Variants in EMC3 observed in about 807,000 individuals in gnomAD.
EMC3 encodes the protein 30 kDa protein.
A neutral mutation model predicts 36.6 loss-of-function variants in EMC3; 13 were observed. The observed-to-expected ratio is 0.35, with a 90% CI of 0.23 to 0.56. The LOEUF (loss-of-function observed/expected upper bound fraction) is 0.56. EMC3 is among the 20% of genes least tolerant of loss of function. The pLI is 0.84. For synonymous variants in EMC3, 120 were observed against 111.9 expected (o/e 1.07, Z -0.46); for missense variants, 220 against 324.5 (o/e 0.68, Z 2.47).
At chr3:9,992,113 A>C (rs571470993) in intron 1 of EMC3, among the ~76,000 whole-genome samples, 2 of 150,804 alleles carry the variant, frequency 1.3e-5, no homozygotes, top group Non-Finnish European at 3.0e-5. Context: ...TTTTTTTTTT[A>C]AATTTTGTAA....
At chr3:9,988,020 T>A (rs774941567), upstream of EMC3, 15 of 800,614 alleles carry the variant, frequency 1.9e-5, no homozygotes, top group African/African-American at 6.8e-5. Context: ...AAAGAGCTCA[T>A]GGATAATTGC....
At chr3:9,988,852 T>C, upstream of EMC3, 3 of 767,840 alleles carry the variant, frequency 3.9e-6, no homozygotes, top group Admixed American at 2.1e-5. Flanking sequence ...CCAGTCACTC[T>C]TCTCTCTCTT....
upstream of EMC3, among the ~76,000 whole-genome samples, chr3:9,990,440 T>TC (rs1559355895): frequency 2.1e-5 from 3 of 146,000 alleles, no homozygotes; most frequent in Admixed American, 1.4e-4. Context: ...GTTCAAGCGA[T>TC]CCCCCCACCT....
At chr3:10,010,227 T>A (rs1265180734) in intron 1 of EMC3, 1 of 152,222 alleles carries the variant, frequency 6.6e-6, no homozygotes, top group African/African-American at 2.4e-5. Flanking sequence ...GGTCAGGAGA[T>A]CGAGACCATC....
intron 1 of EMC3, among the ~76,000 whole-genome samples, chr3:9,998,257 T>C (rs1457614910): frequency 6.6e-6 from 1 of 151,312 alleles, no homozygotes; most frequent in African/African-American, 2.4e-5. Context: ...TACCAGCTAC[T>C]TGGGAGGCTG....
At chr3:9,985,323 C>A (rs1288313675) in intron 1 of EMC3, among the ~76,000 whole-genome samples, 3 of 152,186 alleles carry the variant, frequency 2.0e-5, no homozygotes, top group Non-Finnish European at 4.4e-5. Flanking sequence ...TAGCCTGAGG[C>A]TTACTCTCTT....
intron 3 of EMC3, among the ~76,000 whole-genome samples, chr3:9,975,841 T>C (rs953577602): frequency 3.3e-5 from 5 of 150,526 alleles, no homozygotes; most frequent in Non-Finnish European, 5.9e-5. Flanking sequence ...AAAAAAGATA[T>C]CTTGTTTTAA....
rs2085700018 is a variant in EMC3 at position 9,962,713 on chromosome 3, G to C, written c.*1356C>G. 1 of 152,568 alleles carries C rather than the reference G, an allele frequency of 6.6e-6. No homozygotes were observed. Among genetic ancestry groups the C allele is most frequent in the African/African-American group, 2.4e-5 (1 of 41,406 alleles). The allele number at this position is 152,568 out of a possible 1,614,324, so 9.5% of individuals were successfully genotyped here. A position where few individuals can be genotyped will look rare whatever the true frequency, so the allele number is the denominator to read the frequency against. On this transcript the variant is annotated 3_prime_UTR_variant, in exon 8 of 8. Transcript: ENST00000245046. ...AAAACAGGACGGTTTAATTTGTGGA[G>C]TCGAGTCGTTTGTTCTTAATTACTG...
chr3:9,979,809 C>T (rs902960934), intron 1 of EMC3, among the ~76,000 whole-genome samples: 5 of 152,264 alleles, frequency 3.3e-5, no homozygotes, highest in African/African-American at 1.2e-4. Context: ...TTAAGCTGGA[C>T]TCTTCAGGAT....
At chr3:9,998,436 T>A (rs192478939) in intron 1 of EMC3, among the ~76,000 whole-genome samples, 19 of 141,728 alleles carry the variant, frequency 1.3e-4, no homozygotes, top group African/African-American at 5.0e-4. Flanking sequence ...AATAATTTAA[T>A]TTTTTTTTTT....
At chr3:9,973,475 T>C in intron 5 of EMC3, 153 bp downstream of exon 5, 1 of 648,074 alleles carries the variant, frequency 1.5e-6, no homozygotes. Context: ...ATTACAGTCG[T>C]GAGCCACTGC....
chr3:10,000,292 G>A (rs1366776840), intron 1 of EMC3, among the ~76,000 whole-genome samples: 3 of 151,980 alleles, frequency 2.0e-5, no homozygotes, highest in South Asian at 2.1e-4. Context: ...CACCCGCCTC[G>A]GCCTCCCAAA....
At chr3:10,002,849 C>T in intron 1 of EMC3, 1 of 456,666 alleles carries the variant, frequency 2.2e-6, no homozygotes, top group Non-Finnish European at 4.4e-6. Context: ...AGTGCAGACC[C>T]AGAAACCTCC....
intron 1 of EMC3, chr3:9,981,699 T>G (rs1176516318): frequency 9.6e-6 from 4 of 414,768 alleles, no homozygotes; most frequent in African/African-American, 8.6e-5. Flanking sequence ...CCCCCCAAAG[T>G]GCTGGGATTA....
At chr3:10,001,735 C>T (rs960176297) in intron 1 of EMC3, among the ~76,000 whole-genome samples, 3 of 152,146 alleles carry the variant, frequency 2.0e-5, no homozygotes, top group African/African-American at 2.4e-5. Flanking sequence ...CTGTGGCTAA[C>T]GCCTGTAATT....
chr3:9,975,747 G>C lies in EMC3; in HGVS notation c.307+1210C>G, dbSNP rs1197413559. Among the ~76,000 whole-genome samples the C allele has an allele frequency of 3.3e-5, 5 of 150,114 alleles. No homozygotes were observed. In the East Asian group the frequency reaches 9.8e-4, roughly 29 times the overall value. ...GAATCGCGTGAACCCGGGAGGCGGA[G>C]CCTGCAGTGAGCCGAGATCGCACCA... On this transcript the variant is annotated intron_variant, in intron 3 of 7. Transcript: ENST00000245046.
In EMC3 at chr3:10,001,884, G is replaced by T. The variant is rs1397093671; in HGVS notation, c.-242+9139C>A. On this transcript the variant is annotated intron_variant, in intron 1 of 8. Transcript: ENST00000470827. ...CGTGGTGGCGGGTGCCTGTAGTCCC[G>T]GCTACTCAGGAGGCTGAGGCAGGAG... 2.0e-5 allele frequency among the ~76,000 whole-genome samples: 3 copies of T among 149,012 alleles called. No individual in the cohort carries two copies. The Admixed American group carries it at 2.0e-4, about 10-fold the overall frequency.
In EMC3 at chr3:10,007,625, T is replaced by C. The variant is rs2086279377; in HGVS notation, c.-242+3398A>G. 3.7e-6 allele frequency: 5 copies of C among 1,364,564 alleles called. No individual in the cohort carries two copies. The African/African-American group carries it at 7.4e-5, about 20-fold the overall frequency. The allele number at this position is 1,364,564 out of a possible 1,614,324, so 84.5% of individuals were successfully genotyped here. On this transcript the variant is annotated intron_variant, in intron 1 of 8. Transcript: ENST00000470827. ...TGATGGCAAGACACAGCAGCAGCCC[T>C]GAGGGATGGAGGGGGTGGTGGGAAT...
upstream of EMC3, chr3:9,988,512 A>T (rs533707399): frequency 2.5e-5 from 26 of 1,021,030 alleles, no homozygotes; most frequent in Admixed American, 1.7e-5. Flanking sequence ...TCAAGGAGGA[A>T]ATGAGTGGCA....
Sources: allele counts gnomAD v4.1 joint callset (sites outside exome capture counted in the v4.1 genomes callset), GRCh38; gene constraint gnomAD v4.1.1; transcripts MANE v1.5; gene names NCBI Gene and HGNC (gene_info 2026-07-23, HGNC 2026-07-21).